Variants in GRID1 observed in about 807,000 individuals in gnomAD.
The protein encoded by GRID1 is glutamate ionotropic receptor delta type subunit 1.
In GRID1, 28 loss-of-function variants were observed where a neutral mutation model predicts 98.0. The ratio of observed to expected loss-of-function variants is 0.29; its 90% CI spans 0.21 to 0.39. The LOEUF (loss-of-function observed/expected upper bound fraction) is 0.39. Ranked by LOEUF, GRID1 falls within the 10% of genes least tolerant of loss-of-function variation. GRID1 has a pLI of 1.00. For synonymous variants in GRID1, 553 were observed against 538.5 expected (o/e 1.03, Z -0.37); for missense variants, 1,111 against 1,340.5 (o/e 0.83, Z 2.67).
At chr10:86,356,744 AG>A (rs1456675533) in intron 2 of GRID1, among the ~76,000 whole-genome samples, 1 of 152,248 alleles carries the variant, frequency 6.6e-6, no homozygotes, top group Non-Finnish European at 1.5e-5. Context: ...ACAAAACCAA[AG>A]GGTGGAGACC....
chr10:85,792,807 G>A (rs1842492942), intron 8 of GRID1, among the ~76,000 whole-genome samples: 1 of 152,148 alleles, frequency 6.6e-6, no homozygotes, highest in Non-Finnish European at 1.5e-5. Flanking sequence ...AGGCCACAAT[G>A]ACCCTTATTC....
intron 4 of GRID1, among the ~76,000 whole-genome samples, chr10:86,053,059 C>T (rs1843523292): frequency 6.6e-6 from 1 of 152,108 alleles, no homozygotes; most frequent in Non-Finnish European, 1.5e-5. Flanking sequence ...AATGCCAAGG[C>T]ACCAAATTTA....
At chr10:85,644,605 AG>A (rs1373572700) in intron 13 of GRID1, among the ~76,000 whole-genome samples, 1 of 152,150 alleles carries the variant, frequency 6.6e-6, no homozygotes, top group Non-Finnish European at 1.5e-5. Flanking sequence ...GATGGTTTCC[AG>A]GGTTTTGGTT....
At chr10:85,704,216 G>A (rs946327242) in intron 12 of GRID1, among the ~76,000 whole-genome samples, 6 of 152,048 alleles carry the variant, frequency 3.9e-5, no homozygotes, top group African/African-American at 1.2e-4. Context: ...GCTGTATTCA[G>A]GAAACCCATC....
At chr10:85,970,971 TAATA>T (rs1842400140) in intron 4 of GRID1, among the ~76,000 whole-genome samples, 1 of 152,028 alleles carries the variant, frequency 6.6e-6, no homozygotes, top group Admixed American at 6.6e-5. Context: ...CTATCAAGGC[TAATA>T]AATAAATTCT....
chr10:86,221,812 G>A (rs971647292), intron 2 of GRID1, among the ~76,000 whole-genome samples: 2 of 152,192 alleles, frequency 1.3e-5, no homozygotes, highest in African/African-American at 2.4e-5. Flanking sequence ...GGCAGGACCT[G>A]CTCAGAGCTT....
intron 12 of GRID1, among the ~76,000 whole-genome samples, chr10:85,685,620 G>T (rs188457782): frequency 6.6e-6 from 1 of 152,224 alleles, no homozygotes; most frequent in East Asian, 1.9e-4. Flanking sequence ...AAACTAGGTT[G>T]GAGACGTGGA....
intron 8 of GRID1, among the ~76,000 whole-genome samples, chr10:85,777,830 C>T (rs1024025579): frequency 6.6e-6 from 1 of 152,204 alleles, no homozygotes; most frequent in Non-Finnish European, 1.5e-5. Flanking sequence ...AAGGACACAA[C>T]ATCACTCAGC....
chr10:85,883,579 T>C (rs1841069433), intron 5 of GRID1, among the ~76,000 whole-genome samples: 1 of 151,822 alleles, frequency 6.6e-6, no homozygotes, highest in South Asian at 2.1e-4. Flanking sequence ...ATCTTCTCTT[T>C]CTTCCTTGTT....
At chr10:85,821,516 C>CAAAAA (rs1157209045) in intron 8 of GRID1, among the ~76,000 whole-genome samples, 42 of 9,090 alleles carry the variant, frequency 4.6e-3, no homozygotes, top group Non-Finnish European at 7.1e-3. Context: ...GACTTCATCT[C>CAAAAA]AAAAAAAAAA....
chr10:85,853,255 A>G (rs1296517585), intron 8 of GRID1, among the ~76,000 whole-genome samples: 1 of 152,162 alleles, frequency 6.6e-6, no homozygotes, highest in Admixed American at 6.5e-5. Context: ...CCAGATTCTC[A>G]GTACCCCAAC....
At chr10:85,856,905 G>A (rs1843115633) in intron 6 of GRID1, among the ~76,000 whole-genome samples, 1 of 152,230 alleles carries the variant, frequency 6.6e-6, no homozygotes, top group Non-Finnish European at 1.5e-5. Flanking sequence ...GAGAAGCAGG[G>A]ATTGAGCCCT....
At chr10:85,979,168 G>A (rs1455437482) in intron 4 of GRID1, among the ~76,000 whole-genome samples, 2 of 152,128 alleles carry the variant, frequency 1.3e-5, no homozygotes. Context: ...GGAAAGCCCT[G>A]CGTGAAACCT....
chr10:86,352,998 T>C (rs1848483051), intron 2 of GRID1, among the ~76,000 whole-genome samples: 1 of 152,140 alleles, frequency 6.6e-6, no homozygotes, highest in South Asian at 2.1e-4. Flanking sequence ...GACCATCCCA[T>C]TGGATGATCT....
chr10:85,871,275 G>C (rs1174572013), intron 5 of GRID1, among the ~76,000 whole-genome samples: 1 of 152,192 alleles, frequency 6.6e-6, no homozygotes, highest in Non-Finnish European at 1.5e-5. Flanking sequence ...ATATCTCACA[G>C]AATTTCTTGA....
chr10:86,007,656 T>G (rs550056351), intron 4 of GRID1, among the ~76,000 whole-genome samples: 8 of 152,348 alleles, frequency 5.3e-5, no homozygotes, highest in African/African-American at 1.7e-4. Flanking sequence ...AAATTCTTCC[T>G]GCTTTTCTTC....
At position 85,599,726 on chromosome 10, in the gene GRID1, T is replaced by C. The variant is rs1426515552; in HGVS notation, c.*2547A>G. 4 of 145,478 alleles carry C rather than the reference T, an allele frequency of 2.7e-5. No individual in the cohort carries two copies. In the East Asian group the frequency reaches 7.9e-4, roughly 29 times the overall value. 9.0% of individuals were successfully genotyped at this position (145,478 alleles called of 1,614,324 possible). A position where few individuals can be genotyped will look rare whatever the true frequency, so the allele number is the denominator to read the frequency against. On this transcript the variant is annotated 3_prime_UTR_variant, in exon 16 of 16. Coordinates refer to ENST00000327946, the MANE Select transcript of GRID1 (RefSeq NM_017551.3). ...AGAAATCTGAGTTGGGAAGTTTTTT[T>C]TTTTCCTAGAGAACTTGCTTGAATA...
chr10:86,208,394 G>A, intron 2 of GRID1, among the ~76,000 whole-genome samples: 1 of 151,886 alleles, frequency 6.6e-6, no homozygotes, highest in East Asian at 1.9e-4. Flanking sequence ...GAAATCCATT[G>A]CGTGCCCTGC....
chr10:85,627,190 C>T (rs1239777435), intron 13 of GRID1, among the ~76,000 whole-genome samples: 3 of 152,184 alleles, frequency 2.0e-5, no homozygotes, highest in Admixed American at 6.5e-5. Flanking sequence ...TATGAACCAG[C>T]CTGGGTTACT....
Sources: allele counts gnomAD v4.1 joint callset (sites outside exome capture counted in the v4.1 genomes callset), GRCh38; gene constraint gnomAD v4.1.1; transcripts MANE v1.5; gene names NCBI Gene and HGNC (gene_info 2026-07-23, HGNC 2026-07-21).